ITGAX: variants seen among roughly 807,000 people sequenced by gnomAD.
ITGAX encodes integrin alpha-X.
ITGAX carries 99 observed loss-of-function variants against 140.2 expected under a neutral mutation model. The ratio of observed to expected loss-of-function variants is 0.71; its 90% CI spans 0.60 to 0.83. The LOEUF (loss-of-function observed/expected upper bound fraction) is 0.83. ITGAX is among the 40% of genes least tolerant of loss of function. The pLI, the probability that ITGAX is intolerant of heterozygous loss-of-function variation, is 0.00. For missense variants in ITGAX, 1,444 were observed against 1,482.0 expected (o/e 0.97, Z 0.42); for synonymous variants, 631 against 600.4 (o/e 1.05, Z -0.75).
At chr16:31,373,489 T>C in intron 20 of ITGAX, 99 bp downstream of exon 20, 2 of 1,267,372 alleles carry the variant, frequency 1.6e-6, no homozygotes, top group South Asian at 3.1e-5. Flanking sequence ...GGTAGTGCCA[T>C]CTGGGGCACG....
rs143930173 is a variant in ITGAX, at chr16:31,379,662, G to A, written c.2868+16G>A. The A allele has an allele frequency of 5.0e-5, 79 of 1,567,276 alleles. No homozygotes were observed. Among genetic ancestry groups the A allele is most frequent in the Middle Eastern group, 5.0e-4 (3 of 6,008 alleles). On this transcript the variant is annotated intron_variant, in intron 24 of 29. Transcript: ENST00000268296. ...CAGATACCAGGCAGGTGGTGGAGAC[G>A]CAGGAGACTGGGCTGGGGTGGGAGG... is the stretch of plus-strand genomic sequence containing the variant.
At chr16:31,366,502 GTCACATGTCTC>G (rs2080894236) in intron 14 of ITGAX, among the ~76,000 whole-genome samples, 1 of 152,154 alleles carries the variant, frequency 6.6e-6, no homozygotes, top group Admixed American at 6.5e-5. Context: ...GAAAGGAAGA[GTCACATGTCTC>G]TCACTATTTA....
At chr16:31,359,472 C>T (rs1048942706) in intron 5 of ITGAX, among the ~76,000 whole-genome samples, 2 of 152,142 alleles carry the variant, frequency 1.3e-5, no homozygotes, top group Non-Finnish European at 1.5e-5. Flanking sequence ...CTCATCACAG[C>T]CTCTTTAGGC....
chr16:31,371,110 C>T lies in ITGAX; in HGVS notation c.1737C>T (p.Ser579=). Reference sequence around the variant, plus strand: ...GGATCGCGGGCTCCCAGCTCTCCTCCAGGCTGCAGTATTTTGGGCAGGCAC... The same window carrying T: ...GGATCGCGGGCTCCCAGCTCTCCTCTAGGCTGCAGTATTTTGGGCAGGCAC... ...SQRIAGSQLS[S]RLQYFGQALS... is the part of the protein sequence containing the mutation. Residue 579 remains serine, a synonymous_variant, in exon 15 of 30, where the codon TCC becomes TCT. Coordinates refer to ENST00000268296, the MANE Select transcript of ITGAX (RefSeq NM_000887.5). 1 of 1,614,136 alleles carries T rather than the reference C, an allele frequency of 6.2e-7. No homozygotes were observed. The highest frequency in any genetic ancestry group is 8.5e-7 in the Non-Finnish European group (1 of 1,180,034).
chr16:31,381,346 T>C (rs1224464851), intron 29 of ITGAX, among the ~76,000 whole-genome samples: 1 of 152,158 alleles, frequency 6.6e-6, no homozygotes, highest in East Asian at 1.9e-4. Context: ...TCTGCTCCAC[T>C]CTGGGCCTTG....
Position 31,362,663 on chromosome 16 carries a change from G to T in ITGAX, c.1269G>T (p.Gly423=). ...LWKGVQSLVL[G]APRYQHTGKA... ...AAGGGGTGCAGAGCCTGGTCCTGGG[G>T]GCCCCCCGCTACCAGCACACCGGGA... Residue 423 remains glycine (G), a synonymous_variant, in exon 12 of 30, where the codon GGG becomes GGT. Transcript: ENST00000268296. 6.2e-7 allele frequency: 1 copy of T among 1,613,650 alleles called. No individual in the cohort carries two copies. The highest frequency in any genetic ancestry group is 8.5e-7 in the Non-Finnish European group (1 of 1,179,818).
In ITGAX at chr16:31,357,241, C is replaced by T. The variant is rs1372868701; in HGVS notation, c.319-12C>T. The stretch of plus-strand genomic sequence containing the variant: ...GCAGGGGCAGCCCCCCAGCAGCCCG[C>T]TGTGTCCCCAGGCCTGCGGCCCCAC... On this transcript the variant is annotated splice_polypyrimidine_tract_variant and intron_variant, in intron 4 of 29. Coordinates refer to ENST00000268296, the MANE Select transcript of ITGAX (RefSeq NM_000887.5). 28 of 1,589,106 alleles carry T rather than the reference C, an allele frequency of 1.8e-5. No homozygotes were observed. Among genetic ancestry groups the T allele is most frequent in the African/African-American group, 2.7e-5 (2 of 74,292 alleles).
At chr16:31,366,164 T>C (rs1032242777) in intron 14 of ITGAX, among the ~76,000 whole-genome samples, 2 of 152,240 alleles carry the variant, frequency 1.3e-5, no homozygotes, top group Non-Finnish European at 2.9e-5. Context: ...CTATCAGTGC[T>C]GTTTTCCCAG....
chr16:31,373,530 C>A, intron 20 of ITGAX, 140 bp downstream of exon 20: 2 of 825,946 alleles, frequency 2.4e-6, no homozygotes, highest in South Asian at 2.4e-5. Context: ...CAACTTTGGG[C>A]ATCGCAGTTT....
chr16:31,364,950 T>G (rs1250541525), intron 14 of ITGAX, among the ~76,000 whole-genome samples: 2 of 148,030 alleles, frequency 1.4e-5, no homozygotes, highest in Non-Finnish European at 3.0e-5. Flanking sequence ...ACCTGGGAGG[T>G]GGGGGTTGTG....
chr16:31,361,338 T>C (rs1402243589), intron 9 of ITGAX, 125 bp downstream of exon 9: 3 of 1,088,258 alleles, frequency 2.8e-6, no homozygotes, highest in Non-Finnish European at 4.0e-6. Context: ...GGGACCCCGA[T>C]AGCCATGTCT....
At chr16:31,378,995 T>C (rs945129524) in intron 23 of ITGAX, among the ~76,000 whole-genome samples, 1 of 152,108 alleles carries the variant, frequency 6.6e-6, no homozygotes, top group Non-Finnish European at 1.5e-5. Flanking sequence ...TTTGTATTTT[T>C]AGTAGAGATG....
chr16:31,373,416 A>T (rs969432498), intron 20 of ITGAX, 26 bp downstream of exon 20: 2 of 1,600,538 alleles, frequency 1.2e-6, no homozygotes, highest in Non-Finnish European at 1.7e-6. Context: ...AAGGAGGAGG[A>T]GGCAGGGCTG....
At chr16:31,357,445 A>T (rs2080776092) in intron 5 of ITGAX, 81 bp downstream of exon 5, 3 of 852,376 alleles carry the variant, frequency 3.5e-6, no homozygotes. Context: ...CAGTCTTGCC[A>T]GAGTGGATCA....
At chr16:31,361,697 A>C in intron 9 of ITGAX, 139 bp from the exon 10 acceptor site, 3 of 958,960 alleles carry the variant, frequency 3.1e-6, no homozygotes, top group Non-Finnish European at 5.0e-6. Context: ...GCTGATCTGG[A>C]GGGCAGAGCC....
chr16:31,370,623 C>T (rs942622465), intron 14 of ITGAX, among the ~76,000 whole-genome samples: 7 of 152,176 alleles, frequency 4.6e-5, no homozygotes, highest in South Asian at 2.1e-4. Context: ...CTCTGAGGTC[C>T]CTTTCAGCCT....
intron 29 of ITGAX, 60 bp from the exon 30 acceptor site, chr16:31,381,743 C>T (rs184034515): frequency 2.3e-6 from 2 of 851,114 alleles, no homozygotes; most frequent in African/African-American, 3.3e-5. Context: ...CCTCAGTCAT[C>T]TCTTTTCCTC....
intron 14 of ITGAX, among the ~76,000 whole-genome samples, chr16:31,367,338 T>C (rs2142504911): frequency 6.6e-6 from 1 of 152,138 alleles, no homozygotes; most frequent in East Asian, 1.9e-4. Flanking sequence ...GTAGATGAGA[T>C]GGCCTTCGAT....
intron 19 of ITGAX, 145 bp from the exon 20 acceptor site, chr16:31,373,104 G>C: frequency 1.2e-5 from 1 of 82,458 alleles, no homozygotes. Context: ...TAAAAAAAAA[G>C]AAGAAGAAGA....
Sources: allele counts gnomAD v4.1 joint callset (sites outside exome capture counted in the v4.1 genomes callset), GRCh38; gene constraint gnomAD v4.1.1; transcripts MANE v1.5; gene names NCBI Gene and HGNC (gene_info 2026-07-23, HGNC 2026-07-21).